Variants in RIN2 observed in about 807,000 individuals in gnomAD.
The protein encoded by RIN2 is Ras and Rab interactor 2.
RIN2 carries 36 observed loss-of-function variants against 78.0 expected under a neutral mutation model. The ratio of observed to expected loss-of-function variants is 0.46; its 90% confidence interval spans 0.35 to 0.61. The LOEUF (loss-of-function observed/expected upper bound fraction) is 0.61, where lower values mean the gene tolerates loss of function less well. RIN2 is among the 20% of genes least tolerant of loss of function. RIN2 has a pLI of 0.00. For missense variants in RIN2, 1,087 were observed against 1,159.7 expected, an observed-to-expected ratio of 0.94 and a Z score of 0.91; for synonymous variants, 466 against 466.8, an observed-to-expected ratio of 1.00 and a Z score of 0.02.
intron 3 of RIN2, among the ~76,000 whole-genome samples, chr20:19,904,743 G>A (rs2039144351): frequency 6.6e-6 from 1 of 152,146 alleles, no homozygotes; most frequent in Non-Finnish European, 1.5e-5. Context: ...TGGGTATGAG[G>A]AGGGGAGTGC....
At chr20:19,827,420 G>C (rs999440109) in intron 2 of RIN2, among the ~76,000 whole-genome samples, 1 of 152,196 alleles carries the variant, frequency 6.6e-6, no homozygotes, top group Non-Finnish European at 1.5e-5. Context: ...AGAATTCCAA[G>C]AGCAATCATC....
At chr20:19,797,468 C>A (rs1380222977) in intron 1 of RIN2, among the ~76,000 whole-genome samples, 1 of 152,180 alleles carries the variant, frequency 6.6e-6, no homozygotes, top group Non-Finnish European at 1.5e-5. Context: ...TTTATTTGCA[C>A]ATACTTATTT....
intron 10 of RIN2, among the ~76,000 whole-genome samples, chr20:19,991,451 C>G (rs2042794597): frequency 6.6e-6 from 1 of 152,016 alleles, no homozygotes; most frequent in Non-Finnish European, 1.5e-5. Context: ...GGGGGCTGCC[C>G]TGCTTCCTGT....
chr20:19,985,406 C>T (rs2042591306), intron 9 of RIN2, among the ~76,000 whole-genome samples: 1 of 152,226 alleles, frequency 6.6e-6, no homozygotes, highest in African/African-American at 2.4e-5. Flanking sequence ...GCTATGGCCT[C>T]TACCACTTTC....
chr20:19,760,552 C>T (rs1352229217), intron 1 of RIN2, among the ~76,000 whole-genome samples: 1 of 152,164 alleles, frequency 6.6e-6, no homozygotes, highest in Non-Finnish European at 1.5e-5. Flanking sequence ...GGTCACTACC[C>T]ACTTCAGGAC....
intron 2 of RIN2, among the ~76,000 whole-genome samples, chr20:19,825,424 G>A (rs1453749666): frequency 1.3e-5 from 2 of 152,116 alleles, no homozygotes; most frequent in African/African-American, 4.8e-5. Flanking sequence ...ATGGAGCCTC[G>A]CTTTCAGAAG....
At chr20:19,908,470 C>G (rs389483) in intron 3 of RIN2, among the ~76,000 whole-genome samples, 38,136 of 146,600 alleles carry the variant, frequency 0.26, 6,122 homozygotes, top group East Asian at 0.53. Flanking sequence ...CGGCCTGGGC[C>G]ACAGAGCGAG....
intron 2 of RIN2, among the ~76,000 whole-genome samples, chr20:19,824,234 A>G (rs1350159768): frequency 2.6e-5 from 4 of 152,164 alleles, no homozygotes. Flanking sequence ...GCAGTTTGCT[A>G]CCACGCCTTA....
intron 1 of RIN2, among the ~76,000 whole-genome samples, chr20:19,797,001 C>T (rs1476548219): frequency 6.6e-6 from 1 of 151,996 alleles, no homozygotes; most frequent in South Asian, 2.1e-4. Flanking sequence ...TGAAAGCTGC[C>T]CAGTAGTTCA....
intron 2 of RIN2, among the ~76,000 whole-genome samples, chr20:19,800,732 C>A (rs542562509): frequency 1.3e-5 from 2 of 152,182 alleles, no homozygotes; most frequent in African/African-American, 4.8e-5. Context: ...CCTGCTGATC[C>A]CTGCTCCTAT....
chr20:19,921,026 C>T (rs542727094), intron 3 of RIN2, among the ~76,000 whole-genome samples: 69 of 151,624 alleles, frequency 4.6e-4, no homozygotes, highest in South Asian at 1.7e-3. Context: ...TTAATAAAAA[C>T]AACTCTGGGC....
intron 3 of RIN2, among the ~76,000 whole-genome samples, chr20:19,899,408 T>C (rs1428439093): frequency 6.6e-6 from 1 of 152,250 alleles, no homozygotes; most frequent in Non-Finnish European, 1.5e-5. Context: ...TATGGTGGCA[T>C]GTAGAAAACC....
chr20:19,889,458 T>C, intron 2 of RIN2, 108 bp from the exon 3 acceptor site: 1 of 1,211,554 alleles, frequency 8.3e-7, no homozygotes, highest in East Asian at 2.8e-5. Context: ...TGGCACTGTG[T>C]TGTTGACGGA....
chr20:19,811,848 A>T (rs79780046), intron 2 of RIN2, among the ~76,000 whole-genome samples: 21 of 118,566 alleles, frequency 1.8e-4, no homozygotes, highest in East Asian at 5.0e-4. Context: ...CTCCCATTTT[A>T]AAAAAAAAAA....
At chr20:19,954,575 T>C (rs1375816880) in intron 4 of RIN2, among the ~76,000 whole-genome samples, 1 of 152,200 alleles carries the variant, frequency 6.6e-6, no homozygotes, top group Non-Finnish European at 1.5e-5. Flanking sequence ...CTAAGACTCC[T>C]GGTCCTCTCT....
At chr20:19,762,271 G>C (rs1378728650) in intron 1 of RIN2, among the ~76,000 whole-genome samples, 3 of 152,150 alleles carry the variant, frequency 2.0e-5, no homozygotes, top group Non-Finnish European at 2.9e-5. Flanking sequence ...CCACAGACCA[G>C]TAACCTCAGC....
intron 2 of RIN2, among the ~76,000 whole-genome samples, chr20:19,813,943 A>G (rs1051321013): frequency 2.0e-5 from 3 of 152,228 alleles, no homozygotes; most frequent in African/African-American, 7.2e-5. Flanking sequence ...AAAACTAGAC[A>G]TGTTTATAAA....
At chr20:19,800,087 G>A (rs946617046) in intron 2 of RIN2, among the ~76,000 whole-genome samples, 1 of 152,136 alleles carries the variant, frequency 6.6e-6, no homozygotes, top group African/African-American at 2.4e-5. Flanking sequence ...ACACCACCAC[G>A]AGGTGGGCAC....
At chr20:19,772,527 C>G (rs1373494218) in intron 1 of RIN2, among the ~76,000 whole-genome samples, 1 of 152,166 alleles carries the variant, frequency 6.6e-6, no homozygotes, top group Non-Finnish European at 1.5e-5. Flanking sequence ...TTGGGTGCCA[C>G]GAAGCCAGCC....
Sources: allele counts gnomAD v4.1 joint callset (sites outside exome capture counted in the v4.1 genomes callset), GRCh38; gene constraint gnomAD v4.1.1; transcripts MANE v1.5; gene names NCBI Gene and HGNC (gene_info 2026-07-23, HGNC 2026-07-21).